The following SKAP1 variants were observed in gnomAD, a reference collection of about 807,000 sequenced individuals.
SKAP1 encodes the protein src kinase-associated phosphoprotein 1.
SKAP1 carries 44 observed loss-of-function variants against 58.5 expected under a neutral mutation model. The ratio of observed to expected loss-of-function variants is 0.75; its 90% confidence interval spans 0.59 to 0.97. SKAP1 has a LOEUF of 0.97. Among genes scored for constraint, SKAP1 ranks in the 50% least tolerant of loss-of-function variants. The pLI is 0.00. For missense variants in SKAP1, 390 were observed against 435.2 expected, an observed-to-expected ratio of 0.90 and a Z score of 0.92; for synonymous variants, 127 against 149.7, an observed-to-expected ratio of 0.85 and a Z score of 1.11.
At chr17:48,313,063 T>C (rs1469762237) in intron 4 of SKAP1, among the ~76,000 whole-genome samples, 2 of 151,964 alleles carry the variant, frequency 1.3e-5, no homozygotes, top group East Asian at 3.9e-4. Flanking sequence ...GAAAAAATCT[T>C]CTTGTTCCAA....
chr17:48,411,037 T>C (rs1159944814), intron 1 of SKAP1, among the ~76,000 whole-genome samples: 3 of 151,214 alleles, frequency 2.0e-5, no homozygotes. Flanking sequence ...AAAGTAATAT[T>C]GGATTATAAC....
At chr17:48,388,969 G>A (rs2067311949) in intron 2 of SKAP1, among the ~76,000 whole-genome samples, 1 of 152,180 alleles carries the variant, frequency 6.6e-6, no homozygotes, top group Non-Finnish European at 1.5e-5. Flanking sequence ...ATAGCTAATT[G>A]GAGATTATGT....
intron 1 of SKAP1, among the ~76,000 whole-genome samples, chr17:48,398,172 G>A (rs973155255): frequency 3.9e-5 from 6 of 152,186 alleles, no homozygotes; most frequent in African/African-American, 9.7e-5. Flanking sequence ...AGATGAGCAA[G>A]TGAAGCTTCA....
intron 4 of SKAP1, among the ~76,000 whole-genome samples, chr17:48,191,842 T>C (rs1311826386): frequency 1.3e-5 from 2 of 152,200 alleles, no homozygotes; most frequent in Admixed American, 6.5e-5. Flanking sequence ...AATCTCAGGG[T>C]GCACGCATGA....
intron 3 of SKAP1, among the ~76,000 whole-genome samples, chr17:48,361,583 T>C (rs1225784522): frequency 3.3e-5 from 5 of 152,202 alleles, no homozygotes; most frequent in African/African-American, 1.2e-4. Flanking sequence ...AAAGACTATT[T>C]TCCTTCCAGG....
chr17:48,233,302 T>C (rs1008652909), intron 4 of SKAP1, among the ~76,000 whole-genome samples: 6 of 152,068 alleles, frequency 3.9e-5, no homozygotes, highest in South Asian at 2.1e-4. Context: ...CAATGTTCAG[T>C]TGAGATTAAG....
intron 2 of SKAP1, among the ~76,000 whole-genome samples, chr17:48,365,537 C>T (rs1170656520): frequency 1.3e-5 from 2 of 152,154 alleles, no homozygotes; most frequent in Non-Finnish European, 2.9e-5. Context: ...TCCCTCACCC[C>T]TTCACATCCC....
chr17:48,434,989 A>G (rs1220771242), upstream of SKAP1, among the ~76,000 whole-genome samples: 1 of 152,116 alleles, frequency 6.6e-6, no homozygotes, highest in African/African-American at 2.4e-5. Context: ...AAAAAATTCA[A>G]AAATTTCAAA....
rs548108938 is a variant in SKAP1, at chr17:48,407,490, A to G, written c.47-10705T>C. ...AAGTGCTTGGCTTTTATATGCCAGG[A>G]TTTCACATACGGTTTTATTTTTTTT... On this transcript the variant is annotated intron_variant, in intron 1 of 12. Transcript: ENST00000336915. 3.3e-5 allele frequency among the ~76,000 whole-genome samples: 5 copies of G among 152,254 alleles called. No individual in the cohort carries two copies. The East Asian group carries it at 9.6e-4, about 29-fold the overall frequency.
At chr17:48,134,790 G>A (rs1406129642) in intron 12 of SKAP1, among the ~76,000 whole-genome samples, 1 of 151,636 alleles carries the variant, frequency 6.6e-6, no homozygotes, top group South Asian at 2.1e-4. Context: ...TGCAACCTCC[G>A]CCTCCCAGGT....
chr17:48,187,779 T>G, intron 6 of SKAP1, 64 bp downstream of exon 6: 60 of 1,176,338 alleles, frequency 5.1e-5, no homozygotes, highest in Non-Finnish European at 7.2e-5. Flanking sequence ...TCTAAGTGCT[T>G]GAGAATTTAC....
chr17:48,384,791 T>C (rs184389920), intron 2 of SKAP1, among the ~76,000 whole-genome samples: 43 of 152,178 alleles, frequency 2.8e-4, no homozygotes, highest in Admixed American at 2.5e-3. Flanking sequence ...TTTGTGAAGT[T>C]TGAGGAACAC....
chr17:48,423,382 C>A (rs2144616776), intron 1 of SKAP1, among the ~76,000 whole-genome samples: 1 of 152,216 alleles, frequency 6.6e-6, no homozygotes, highest in African/African-American at 2.4e-5. Flanking sequence ...ATGCCCACAG[C>A]TAAGTTTATA....
At chr17:48,259,115 G>A (rs1370324714) in intron 4 of SKAP1, among the ~76,000 whole-genome samples, 1 of 151,868 alleles carries the variant, frequency 6.6e-6, no homozygotes, top group Non-Finnish European at 1.5e-5. Flanking sequence ...TAAAATGGGG[G>A]ACTCTACAGT....
At chr17:48,196,742 T>C (rs1308436312) in intron 4 of SKAP1, 2 of 152,254 alleles carry the variant, frequency 1.3e-5, no homozygotes, top group African/African-American at 4.8e-5. Flanking sequence ...GCTAATCTTC[T>C]CTGTATCATT....
At chr17:48,416,321 G>C (rs374227033) in intron 1 of SKAP1, among the ~76,000 whole-genome samples, 4 of 152,130 alleles carry the variant, frequency 2.6e-5, no homozygotes, top group Admixed American at 2.0e-4. Flanking sequence ...CTCCCAGTTG[G>C]AGATGGGACC....
chr17:48,356,301 T>A (rs1420303668), intron 3 of SKAP1, among the ~76,000 whole-genome samples: 1 of 152,058 alleles, frequency 6.6e-6, no homozygotes, highest in Admixed American at 6.6e-5. Flanking sequence ...GATAGATAGA[T>A]GAAAACTTGA....
the SKAP1 span, among the ~76,000 whole-genome samples, chr17:48,444,704 G>A: frequency 1.3e-5 from 2 of 152,152 alleles, no homozygotes; most frequent in Admixed American, 6.5e-5. Context: ...CCCATTTGTC[G>A]CTGCCTATGC....
At chr17:48,221,197 G>A (rs1328401471) in intron 4 of SKAP1, among the ~76,000 whole-genome samples, 2 of 152,010 alleles carry the variant, frequency 1.3e-5, no homozygotes, top group African/African-American at 2.4e-5. Flanking sequence ...AACCTGGGAG[G>A]TGGAGGTTGC....
Sources: allele counts gnomAD v4.1 joint callset (sites outside exome capture counted in the v4.1 genomes callset), GRCh38; gene constraint gnomAD v4.1.1; transcripts MANE v1.5; gene names NCBI Gene and HGNC (gene_info 2026-07-23, HGNC 2026-07-21).